The following ATP10B variants were observed in gnomAD, a reference collection of about 807,000 sequenced individuals.
ATP10B encodes ATPase phospholipid transporting 10B (putative).
A neutral mutation model predicts 141.2 loss-of-function variants in ATP10B; 122 were observed. The ratio of observed to expected loss-of-function variants is 0.86; its 90% CI spans 0.75 to 1.00. The LOEUF is 1.00. Among genes scored for constraint, ATP10B ranks in the 50% least tolerant of loss-of-function variants. The probability of loss-of-function intolerance (pLI) is 0.00; values close to 1 mark genes in which losing one functional copy is unlikely to be tolerated. For synonymous variants in ATP10B, 685 were observed against 692.0 expected (o/e 0.99, Z 0.16); for missense variants, 1,876 against 1,825.3 (o/e 1.03, Z -0.51).
At chr5:160,732,205 T>G (rs1044202889) in intron 2 of ATP10B, among the ~76,000 whole-genome samples, 1 of 152,202 alleles carries the variant, frequency 6.6e-6, no homozygotes, top group African/African-American at 2.4e-5. Context: ...AGATTAACCT[T>G]GGAGCCCCAA....
Position 160,622,499 on chromosome 5 carries a change from A to C in ATP10B, c.1707T>G (p.Pro569=). The change falls in exon 14 of 26, where the codon CCT becomes CCG. Residue 569 remains proline (P), a synonymous_variant. Transcript: ENST00000327245. ...AGGTGGTGGAGAGGGAAGCCTTGGC[A>C]GGTCTGCTGTCTGACAAGGTCTCCA... is the stretch of plus-strand genomic sequence containing the variant. ...LWLETLSDSR[P]AKASLSTTSS... is the part of the protein sequence containing the mutation. 6.2e-7 allele frequency: 1 copy of C among 1,614,086 alleles called. No individual in the cohort carries two copies. Among genetic ancestry groups the C allele is most frequent in the South Asian group, 1.1e-5 (1 of 91,058 alleles).
rs369712825 is a variant in ATP10B, at chr5:160,620,612, G to A, written c.2151C>T (p.Tyr717=). Reference sequence around the variant, plus strand: ...CGGCCTCATCAGGGCTCTCAGCCTCGTAACAGAACTCAGGCCTGGCCAGGT... The same window carrying A: ...CGGCCTCATCAGGGCTCTCAGCCTCATAACAGAACTCAGGCCTGGCCAGGT... ...ATDLARPEFC[Y]EAESPDEAAL... is the part of the protein sequence containing the mutation. Residue 717 remains tyrosine, a synonymous_variant, in exon 15 of 26, where the codon TAC becomes TAT. Coordinates refer to ENST00000327245, the MANE Select transcript of ATP10B (RefSeq NM_025153.3). 1.8e-5 allele frequency: 29 copies of A among 1,613,638 alleles called. No individual in the cohort carries two copies. Among genetic ancestry groups the A allele is most frequent in the African/African-American group, 8.0e-5 (6 of 74,936 alleles).
At chr5:160,580,584 T>C (rs1468378205) in intron 24 of ATP10B, among the ~76,000 whole-genome samples, 3 of 152,232 alleles carry the variant, frequency 2.0e-5, no homozygotes, top group Admixed American at 2.0e-4. Context: ...TTAGGATTTT[T>C]GCATCAATGT....
chr5:160,706,045 GGTAGA>G (rs1159745138), intron 3 of ATP10B, among the ~76,000 whole-genome samples: 1 of 152,212 alleles, frequency 6.6e-6, no homozygotes, highest in African/African-American at 2.4e-5. Context: ...ACAGCTGGAT[GGTAGA>G]GTAGTCAGGA....
the ATP10B span, among the ~76,000 whole-genome samples, chr5:160,918,132 A>G: frequency 6.6e-6 from 1 of 152,214 alleles, no homozygotes; most frequent in African/African-American, 2.4e-5. Flanking sequence ...TCAAGCAGTC[A>G]TTGTCAGTGA....
chr5:160,813,651 G>T (rs548973607), intron 1 of ATP10B, among the ~76,000 whole-genome samples: 1 of 152,184 alleles, frequency 6.6e-6, no homozygotes, highest in Non-Finnish European at 1.5e-5. Context: ...CTCCCAGCAC[G>T]CAGCTGGAGA....
intron 22 of ATP10B, among the ~76,000 whole-genome samples, chr5:160,596,264 G>T (rs930226069): frequency 3.3e-5 from 5 of 152,092 alleles, no homozygotes; most frequent in Admixed American, 3.3e-4. Context: ...ATGTAATCCA[G>T]CATATAAACA....
At chr5:160,826,335 C>T (rs1016252509) in intron 1 of ATP10B, among the ~76,000 whole-genome samples, 5 of 152,142 alleles carry the variant, frequency 3.3e-5, no homozygotes, top group African/African-American at 1.2e-4. Context: ...GAAGGACCAG[C>T]TGGAGCCATG....
chr5:160,571,948 C>T (rs1282825138), intron 24 of ATP10B, among the ~76,000 whole-genome samples: 1 of 152,122 alleles, frequency 6.6e-6, no homozygotes, highest in Non-Finnish European at 1.5e-5. Context: ...TATATCCTTA[C>T]CTTGAAGTCA....
chr5:160,658,022 A>G (rs1355091268), intron 7 of ATP10B, among the ~76,000 whole-genome samples: 1 of 152,182 alleles, frequency 6.6e-6, no homozygotes, highest in Non-Finnish European at 1.5e-5. Context: ...GAGATCCAAC[A>G]CTTTGTACCT....
chr5:160,652,805 T>C (rs1169603360), intron 7 of ATP10B, among the ~76,000 whole-genome samples: 1 of 96,010 alleles, frequency 1.0e-5, no homozygotes, highest in Non-Finnish European at 1.9e-5. Context: ...TAATATATTA[T>C]ATAATATATT....
At chr5:160,826,601 A>G (rs1283409455) in intron 1 of ATP10B, among the ~76,000 whole-genome samples, 1 of 152,196 alleles carries the variant, frequency 6.6e-6, no homozygotes, top group Non-Finnish European at 1.5e-5. Flanking sequence ...GAAGACAACC[A>G]TAAGGTCTGA....
At chr5:160,910,715 T>A in the ATP10B span, among the ~76,000 whole-genome samples, 4 of 152,238 alleles carry the variant, frequency 2.6e-5, no homozygotes, top group Admixed American at 6.5e-5. Context: ...ATATTTAATG[T>A]GCTTACAAAT....
chr5:160,830,231 A>T (rs926915606), intron 1 of ATP10B, among the ~76,000 whole-genome samples: 2 of 152,104 alleles, frequency 1.3e-5, no homozygotes, highest in African/African-American at 4.8e-5. Flanking sequence ...TTATGTGGTG[A>T]ATCATATTTA....
the ATP10B span, among the ~76,000 whole-genome samples, chr5:160,874,021 G>A: frequency 1.3e-5 from 2 of 152,232 alleles, no homozygotes; most frequent in African/African-American, 4.8e-5. Flanking sequence ...TTCGAACTGG[G>A]TGGAGCCCAC....
intron 3 of ATP10B, among the ~76,000 whole-genome samples, chr5:160,716,400 T>G (rs1196845512): frequency 2.0e-5 from 3 of 152,160 alleles, no homozygotes; most frequent in Non-Finnish European, 2.9e-5. Context: ...GCATCCCCAT[T>G]TTACAGATGA....
chr5:160,895,354 G>C, the ATP10B span, among the ~76,000 whole-genome samples: 20 of 151,928 alleles, frequency 1.3e-4, no homozygotes, highest in South Asian at 4.2e-3. Flanking sequence ...AAGGGGTGGA[G>C]AAATATTTAC....
Position 160,619,789 on chromosome 5 carries a change from G to A in ATP10B, c.2416+558C>T, listed in dbSNP as rs534066997. 9.8e-5 allele frequency among the ~76,000 whole-genome samples: 15 copies of A among 152,308 alleles called. No homozygotes were observed. The East Asian group carries it at 2.7e-3, about 27-fold the overall frequency. ...CGTTTATGAAAATCCATCTGGGGGA[G>A]GCTGGGGAAAAGGATAATAAAGAGG... is the stretch of plus-strand genomic sequence containing the variant. On this transcript the variant is annotated intron_variant, in intron 15 of 25. Transcript: ENST00000327245.
At chr5:160,813,190 C>T (rs1280191472) in intron 1 of ATP10B, among the ~76,000 whole-genome samples, 1 of 152,216 alleles carries the variant, frequency 6.6e-6, no homozygotes, top group African/African-American at 2.4e-5. Flanking sequence ...CGAGGCATCG[C>T]CTCACCCGGG....
Sources: allele counts gnomAD v4.1 joint callset (sites outside exome capture counted in the v4.1 genomes callset), GRCh38; gene constraint gnomAD v4.1.1; transcripts MANE v1.5; gene names NCBI Gene and HGNC (gene_info 2026-07-23, HGNC 2026-07-21).